Variants in LEKR1 observed in about 807,000 individuals in gnomAD.
The protein encoded by LEKR1 is leucine, glutamate and lysine rich 1, also known as protein LEKR1.
LEKR1 carries 59 observed loss-of-function variants against 72.4 expected under a neutral mutation model. The observed-to-expected ratio is 0.82, with a 90% CI of 0.66 to 1.01. The LOEUF (loss-of-function observed/expected upper bound fraction) is 1.01. Among genes scored for constraint, LEKR1 ranks in the 50% least tolerant of loss-of-function variants. The pLI, the probability that LEKR1 is intolerant of heterozygous loss-of-function variation, is 0.00. For missense variants in LEKR1, 728 were observed against 759.2 expected (o/e 0.96, Z 0.48); for synonymous variants, 257 against 263.2 (o/e 0.98, Z 0.23).
chr3:156,958,539 C>G, intron 6 of LEKR1, among the ~76,000 whole-genome samples: 1 of 152,106 alleles, frequency 6.6e-6, no homozygotes, highest in East Asian at 1.9e-4. Flanking sequence ...CCACCTATTT[C>G]CTACTTGTTA....
intron 3 of LEKR1, among the ~76,000 whole-genome samples, chr3:156,857,689 C>T (rs1716234984): frequency 6.6e-6 from 1 of 152,092 alleles, no homozygotes; most frequent in Non-Finnish European, 1.5e-5. Context: ...TTATTAAAAT[C>T]AAAGTGTTTT....
intron 3 of LEKR1, among the ~76,000 whole-genome samples, chr3:156,864,345 C>T (rs1717082574): frequency 6.6e-6 from 1 of 152,066 alleles, no homozygotes; most frequent in African/African-American, 2.4e-5. Context: ...GTTAACCACA[C>T]TCTTCATACA....
intron 3 of LEKR1, among the ~76,000 whole-genome samples, chr3:156,880,424 C>T (rs997455194): frequency 2.0e-5 from 3 of 152,206 alleles, no homozygotes; most frequent in African/African-American, 7.2e-5. Flanking sequence ...TTCCTTGACA[C>T]ATACACTCTC....
chr3:157,041,841 C>G (rs1372775831), intron 12 of LEKR1, among the ~76,000 whole-genome samples: 1 of 152,200 alleles, frequency 6.6e-6, no homozygotes, highest in Non-Finnish European at 1.5e-5. Flanking sequence ...CATTAAAATT[C>G]TGCAACAATC....
intron 6 of LEKR1, among the ~76,000 whole-genome samples, chr3:156,944,251 A>C (rs184327449): frequency 2.0e-5 from 3 of 151,722 alleles, no homozygotes; most frequent in Admixed American, 1.3e-4. Context: ...CTAGTCAGCT[A>C]TTTGAAATTT....
chr3:156,947,948 G>A (rs1443303517), intron 6 of LEKR1, among the ~76,000 whole-genome samples: 1 of 151,052 alleles, frequency 6.6e-6, no homozygotes, highest in Non-Finnish European at 1.5e-5. Flanking sequence ...CCTAGTAAAA[G>A]TTTTTCTCTC....
intron 9 of LEKR1, among the ~76,000 whole-genome samples, chr3:156,995,682 A>G (rs1437876158): frequency 6.6e-6 from 1 of 152,182 alleles, no homozygotes; most frequent in Non-Finnish European, 1.5e-5. Flanking sequence ...AACTACCAAA[A>G]TTAGCCGGGC....
chr3:157,029,286 A>G (rs1261408842), intron 12 of LEKR1, among the ~76,000 whole-genome samples: 1 of 152,204 alleles, frequency 6.6e-6, no homozygotes, highest in African/African-American at 2.4e-5. Flanking sequence ...TGAACCTATT[A>G]CAAAGAAGTT....
At chr3:157,039,317 T>G (rs1220215504) in intron 12 of LEKR1, among the ~76,000 whole-genome samples, 1 of 152,180 alleles carries the variant, frequency 6.6e-6, no homozygotes, top group Non-Finnish European at 1.5e-5. Context: ...AGAAAGAAAT[T>G]CCATTTACAT....
At chr3:156,836,030 T>G (rs1021707194) in intron 2 of LEKR1, among the ~76,000 whole-genome samples, 2 of 151,834 alleles carry the variant, frequency 1.3e-5, no homozygotes, top group African/African-American at 4.8e-5. Flanking sequence ...TGTACCACCA[T>G]GCCTGGCTGA....
intron 6 of LEKR1, among the ~76,000 whole-genome samples, chr3:156,967,420 A>T (rs1728729712): frequency 6.6e-6 from 1 of 152,222 alleles, no homozygotes; most frequent in South Asian, 2.1e-4. Context: ...CAGTGCAGAG[A>T]AGTCCTTAAA....
chr3:157,033,628 G>A (rs1428617450), intron 12 of LEKR1, among the ~76,000 whole-genome samples: 1 of 152,170 alleles, frequency 6.6e-6, no homozygotes, highest in South Asian at 2.1e-4. Flanking sequence ...GAACATAAAG[G>A]TATAAGGTAA....
chr3:156,880,180 G>A (rs1188351187), intron 3 of LEKR1, among the ~76,000 whole-genome samples: 1 of 152,220 alleles, frequency 6.6e-6, no homozygotes, highest in Non-Finnish European at 1.5e-5. Context: ...AGCAAAGAGT[G>A]GGGCTGTCCC....
At chr3:156,892,913 T>C (rs953725616) in intron 3 of LEKR1, among the ~76,000 whole-genome samples, 1 of 152,234 alleles carries the variant, frequency 6.6e-6, no homozygotes, top group African/African-American at 2.4e-5. Flanking sequence ...GGCCTACTCA[T>C]GATAACTTCC....
intron 6 of LEKR1, among the ~76,000 whole-genome samples, chr3:156,973,726 A>G (rs1028080598): frequency 6.6e-6 from 1 of 152,166 alleles, no homozygotes; most frequent in Non-Finnish European, 1.5e-5. Flanking sequence ...AGGAAAAGGC[A>G]AATCATAAAA....
At chr3:156,834,114 A>G (rs1712803075) in intron 2 of LEKR1, among the ~76,000 whole-genome samples, 1 of 152,100 alleles carries the variant, frequency 6.6e-6, no homozygotes, top group South Asian at 2.1e-4. Context: ...TTTCCTAAAC[A>G]TCCCCCCATA....
At chr3:156,860,198 T>G (rs1480542038) in intron 3 of LEKR1, among the ~76,000 whole-genome samples, 1 of 152,194 alleles carries the variant, frequency 6.6e-6, no homozygotes, top group Admixed American at 6.6e-5. Flanking sequence ...TTAGTCAAAT[T>G]AAATATTATT....
intron 6 of LEKR1, among the ~76,000 whole-genome samples, chr3:156,962,655 A>T (rs1033307464): frequency 6.6e-6 from 1 of 152,120 alleles, no homozygotes; most frequent in Non-Finnish European, 1.5e-5. Flanking sequence ...TTTCATCTAA[A>T]GATTACCACT....
chr3:156,906,364 A>G (rs1722533239), intron 3 of LEKR1, among the ~76,000 whole-genome samples: 1 of 152,210 alleles, frequency 6.6e-6, no homozygotes, highest in Admixed American at 6.5e-5. Flanking sequence ...GAAGGATAAT[A>G]AATGTACTTG....
Sources: gnomAD v4.1 joint callset for allele counts (sites outside exome capture counted in the v4.1 genomes callset) on GRCh38, gnomAD v4.1.1 for gene constraint, MANE v1.5 for transcripts, NCBI Gene and HGNC (gene_info 2026-07-23, HGNC 2026-07-21) for gene names.